UBA6: variants seen among roughly 807,000 people sequenced by gnomAD.
The protein encoded by UBA6 is ubiquitin like modifier activating enzyme 6.
Under a neutral mutation model 148.3 loss-of-function variants are expected in UBA6, and 87 were observed. The ratio of observed to expected loss-of-function variants is 0.59; its 90% CI spans 0.49 to 0.70. The LOEUF is 0.70. Among genes scored for constraint, UBA6 ranks in the 30% least tolerant of loss-of-function variants. UBA6 has a pLI of 0.00. For synonymous variants in UBA6, 376 were observed against 401.0 expected (o/e 0.94, Z 0.75); for missense variants, 1,186 against 1,241.2 (o/e 0.96, Z 0.67).
chr4:67,629,848 T>C (rs1728955104), intron 26 of UBA6, among the ~76,000 whole-genome samples: 1 of 152,078 alleles, frequency 6.6e-6, no homozygotes, highest in Admixed American at 6.5e-5. Flanking sequence ...CCAGTGTTAA[T>C]TATGGGATCT....
intron 13 of UBA6, among the ~76,000 whole-genome samples, chr4:67,653,754 G>C (rs1226351054): frequency 6.6e-6 from 1 of 152,170 alleles, no homozygotes; most frequent in Non-Finnish European, 1.5e-5. Flanking sequence ...AAAGGAGCAT[G>C]TTCTAACCCA....
rs1001662114 is a variant in UBA6 at position 67,657,433 on chromosome 4, A to G, written c.1104+4756T>C. Among the ~76,000 whole-genome samples the G allele has an allele frequency of 3.9e-5, 6 of 152,354 alleles. 1 individual carries two copies. The South Asian group carries it at 1.2e-3, about 32-fold the overall frequency. The stretch of plus-strand genomic sequence containing the variant: ...ACCTGACAAAAACAAGAAATGGGGA[A>G]AGGATTCCCTATTTAATAAATGGTG... On this transcript the variant is annotated intron_variant, in intron 13 of 32. Coordinates refer to ENST00000322244, the MANE Select transcript of UBA6 (RefSeq NM_018227.6).
intron 2 of UBA6, among the ~76,000 whole-genome samples, chr4:67,691,973 G>C (rs115290671): frequency 6.6e-6 from 1 of 152,126 alleles, no homozygotes; most frequent in Admixed American, 6.6e-5. Flanking sequence ...GTCATTATAA[G>C]ACCACTTAAA....
chr4:67,659,349 T>C (rs1243712237), intron 13 of UBA6, among the ~76,000 whole-genome samples: 1 of 152,136 alleles, frequency 6.6e-6, no homozygotes, highest in African/African-American at 2.4e-5. Flanking sequence ...CATGTCAAGG[T>C]GGGACCAGGT....
At chr4:67,691,755 T>C (rs1730699212) in intron 2 of UBA6, among the ~76,000 whole-genome samples, 1 of 151,600 alleles carries the variant, frequency 6.6e-6, no homozygotes, top group Non-Finnish European at 1.5e-5. Flanking sequence ...TATGGTTGCC[T>C]GACATTTCAA....
chr4:67,677,528 G>A, intron 6 of UBA6, 83 bp downstream of exon 6: 1 of 633,200 alleles, frequency 1.6e-6, no homozygotes, highest in South Asian at 2.6e-5. Context: ...AATACACTAG[G>A]TTAAATTAGT....
intron 7 of UBA6, 73 bp downstream of exon 7, chr4:67,673,624 T>G: frequency 6.4e-6 from 6 of 943,658 alleles, no homozygotes; most frequent in Non-Finnish European, 9.9e-6. Context: ...AACCCATCAA[T>G]GAGTTAAAAA....
intron 26 of UBA6, 135 bp from the exon 27 acceptor site, chr4:67,629,277 A>T (rs990241439): frequency 1.6e-6 from 1 of 617,826 alleles, no homozygotes. Flanking sequence ...CATCCATTTG[A>T]GACATTTATC....
chr4:67,669,640 G>C (rs1730092923), intron 8 of UBA6, among the ~76,000 whole-genome samples: 1 of 152,104 alleles, frequency 6.6e-6, no homozygotes, highest in Non-Finnish European at 1.5e-5. Context: ...GCTTATGCAT[G>C]ATCAAGAGTG....
intron 2 of UBA6, among the ~76,000 whole-genome samples, chr4:67,690,651 C>T (rs897447955): frequency 2.0e-5 from 3 of 152,088 alleles, no homozygotes; most frequent in Non-Finnish European, 4.4e-5. Context: ...ATAGATCTTT[C>T]TCCAAAAACA....
Position 67,616,113 on chromosome 4 carries a change from T to A in UBA6, c.*2884A>T, listed in dbSNP as rs190692834. 1 of 396,436 alleles carries A rather than the reference T, an allele frequency of 2.5e-6. No individual in the cohort carries two copies. Among genetic ancestry groups the A allele is most frequent in the African/African-American group, 2.1e-5 (1 of 48,520 alleles). The allele number at this position is 396,436 out of a possible 1,614,324, so 24.6% of individuals were successfully genotyped here. A position where few individuals can be genotyped will look rare whatever the true frequency, so the allele number is the denominator to read the frequency against. Reference sequence around the variant, plus strand: ...TATGACATAGAGCAAAATGAACACATATTATCAATGGATACTTAACTCTGA... The same window carrying A: ...TATGACATAGAGCAAAATGAACACAAATTATCAATGGATACTTAACTCTGA... On this transcript the variant is annotated 3_prime_UTR_variant, in exon 33 of 33. Transcript: ENST00000322244.
In UBA6 at chr4:67,618,813, T is replaced by C; in HGVS notation, c.*184A>G. On this transcript the variant is annotated 3_prime_UTR_variant, in exon 33 of 33. Transcript: ENST00000322244. ...AGCCACGTGTGAACCGTTAGACAAG[T>C]GTATGCTATGCCCCAAAATGTTTTA... 7 of 562,086 alleles carry C rather than the reference T, an allele frequency of 1.2e-5. No individual in the cohort carries two copies. In the East Asian group the frequency reaches 1.9e-4, roughly 15 times the overall value. 34.8% of individuals were successfully genotyped at this position (562,086 alleles called of 1,614,324 possible).
chr4:67,641,681 C>G (rs1255417414), intron 17 of UBA6, among the ~76,000 whole-genome samples: 6 of 109,654 alleles, frequency 5.5e-5, no homozygotes, highest in African/African-American at 2.1e-4. Context: ...TCCTAACCCC[C>G]TAATTAGGCA....
chr4:67,681,490 A>G, intron 4 of UBA6, 73 bp downstream of exon 4: 1 of 980,270 alleles, frequency 1.0e-6, no homozygotes, highest in Non-Finnish European at 1.5e-6. Flanking sequence ...CAAAGTATAA[A>G]CAATATTACC....
chr4:67,667,232 T>C (rs999265926), intron 9 of UBA6, among the ~76,000 whole-genome samples: 1 of 152,172 alleles, frequency 6.6e-6, no homozygotes, highest in Non-Finnish European at 1.5e-5. Context: ...ATCTATGATA[T>C]GAACCTGTAT....
At chr4:67,692,776 C>T (rs571460364) in intron 2 of UBA6, among the ~76,000 whole-genome samples, 1 of 152,138 alleles carries the variant, frequency 6.6e-6, no homozygotes, top group African/African-American at 2.4e-5. Context: ...AGGCTCATTA[C>T]ACAAGGTACT....
intron 14 of UBA6, 48 bp downstream of exon 14, chr4:67,649,020 A>G (rs1157238348): frequency 1.9e-6 from 3 of 1,587,240 alleles, no homozygotes; most frequent in East Asian, 4.5e-5. Context: ...TATGTAACAC[A>G]TTCCATTTCA....
intron 2 of UBA6, 106 bp from the exon 3 acceptor site, chr4:67,682,319 G>A: frequency 1.3e-6 from 1 of 746,452 alleles, no homozygotes; most frequent in South Asian, 1.7e-5. Context: ...CCGGCCCACA[G>A]ACTTGTTATG....
rs538992254 is a variant in UBA6, at chr4:67,649,558, T to A, written c.1105-347A>T. ...TATTTACAAATAAACAGATTTTTTTTAATTTAAAAAGTTTGTTAATGAAAA... is the reference window on the plus strand; with the variant it reads ...TATTTACAAATAAACAGATTTTTTTAAATTTAAAAAGTTTGTTAATGAAAA... On this transcript the variant is annotated intron_variant, in intron 13 of 32. Coordinates refer to ENST00000322244, the MANE Select transcript of UBA6 (RefSeq NM_018227.6). Among the ~76,000 whole-genome samples the A allele has an allele frequency of 9.7e-4, 148 of 152,294 alleles. 1 individual carries two copies. Among genetic ancestry groups the A allele is most frequent in the African/African-American group, 3.5e-3 (145 of 41,582 alleles).
Sources: gnomAD v4.1 joint callset for allele counts (sites outside exome capture counted in the v4.1 genomes callset) on GRCh38, gnomAD v4.1.1 for gene constraint, MANE v1.5 for transcripts, NCBI Gene and HGNC (gene_info 2026-07-23, HGNC 2026-07-21) for gene names.